The following KCTD16 variants were observed in gnomAD, a reference collection of about 807,000 sequenced individuals.
The protein encoded by KCTD16 is potassium channel tetramerization domain containing 16.
Under a neutral mutation model 33.2 loss-of-function variants are expected in KCTD16, and 13 were observed. The ratio of observed to expected loss-of-function variants is 0.39; its 90% confidence interval spans 0.25 to 0.62. The LOEUF (loss-of-function observed/expected upper bound fraction) is 0.62. KCTD16 is among the 20% of genes least tolerant of loss of function. The probability of loss-of-function intolerance (pLI) is 0.50; values close to 1 mark genes in which losing one functional copy is unlikely to be tolerated. For synonymous variants in KCTD16, 197 were observed against 195.3 expected (o/e 1.01, Z -0.07); for missense variants, 441 against 525.1 (o/e 0.84, Z 1.57).
At chr5:144,312,942 T>A (rs1751804344) in intron 3 of KCTD16, among the ~76,000 whole-genome samples, 1 of 152,252 alleles carries the variant, frequency 6.6e-6, no homozygotes, top group Non-Finnish European at 1.5e-5. Context: ...AAGGAAAGTT[T>A]TTAATAACTA....
intron 3 of KCTD16, among the ~76,000 whole-genome samples, chr5:144,305,286 T>G (rs921346017): frequency 5.3e-5 from 8 of 152,170 alleles, no homozygotes; most frequent in Admixed American, 2.6e-4. Context: ...CAGCAAAGGT[T>G]GTGTTATAAG....
At chr5:144,231,703 T>C (rs147078291) in intron 3 of KCTD16, among the ~76,000 whole-genome samples, 1 of 152,132 alleles carries the variant, frequency 6.6e-6, no homozygotes, top group Non-Finnish European at 1.5e-5. Context: ...TTTCACGAGA[T>C]CTGATGGTTT....
chr5:144,256,442 C>T (rs889205265), intron 3 of KCTD16, among the ~76,000 whole-genome samples: 3 of 151,958 alleles, frequency 2.0e-5, no homozygotes, highest in South Asian at 2.1e-4. Context: ...GTCAAAACAC[C>T]GGTTTAGTGT....
chr5:144,421,610 C>T (rs1389185383), intron 3 of KCTD16, among the ~76,000 whole-genome samples: 6 of 152,060 alleles, frequency 3.9e-5, no homozygotes, highest in Admixed American at 2.0e-4. Flanking sequence ...CCTTAGGTGA[C>T]AGAGTGTAGC....
At chr5:144,208,852 G>A (rs1286660067) in intron 3 of KCTD16, among the ~76,000 whole-genome samples, 5 of 151,902 alleles carry the variant, frequency 3.3e-5, no homozygotes, top group East Asian at 1.9e-4. Flanking sequence ...ATTGATGTGC[G>A]ATAACAAACA....
intron 3 of KCTD16, among the ~76,000 whole-genome samples, chr5:144,288,172 A>G (rs1755800233): frequency 1.3e-5 from 2 of 152,184 alleles, no homozygotes; most frequent in Admixed American, 1.3e-4. Context: ...CTTGGATCAG[A>G]CCTTTACAAA....
intron 2 of KCTD16, among the ~76,000 whole-genome samples, chr5:144,193,147 A>G (rs1215784572): frequency 6.6e-6 from 1 of 152,174 alleles, no homozygotes; most frequent in Non-Finnish European, 1.5e-5. Context: ...ATCTCCCTAC[A>G]ACTAATTTTG....
At chr5:144,234,048 T>G (rs965892051) in intron 3 of KCTD16, among the ~76,000 whole-genome samples, 1 of 152,196 alleles carries the variant, frequency 6.6e-6, no homozygotes, top group Admixed American at 6.6e-5. Flanking sequence ...TGATCCATTG[T>G]GAAGAATATA....
At chr5:144,389,308 A>T (rs1409456593) in intron 3 of KCTD16, among the ~76,000 whole-genome samples, 1 of 152,138 alleles carries the variant, frequency 6.6e-6, no homozygotes, top group East Asian at 1.9e-4. Flanking sequence ...GTGAAGTTTC[A>T]TCTGTGTTTA....
At chr5:144,409,404 C>T (rs184168944) in intron 3 of KCTD16, among the ~76,000 whole-genome samples, 1 of 152,038 alleles carries the variant, frequency 6.6e-6, no homozygotes, top group African/African-American at 2.4e-5. Flanking sequence ...ACTGACTGAA[C>T]CTTTGACATA....
chr5:144,313,999 T>A (rs1751840396), intron 3 of KCTD16, among the ~76,000 whole-genome samples: 1 of 152,198 alleles, frequency 6.6e-6, no homozygotes, highest in African/African-American at 2.4e-5. Context: ...AGAGGTCATT[T>A]AATTTAAGAC....
At chr5:144,274,061 C>G (rs1384838074) in intron 3 of KCTD16, among the ~76,000 whole-genome samples, 1 of 149,932 alleles carries the variant, frequency 6.7e-6, no homozygotes, top group African/African-American at 2.5e-5. Flanking sequence ...GAAAAAAAAT[C>G]CACTTGGGCA....
intron 3 of KCTD16, among the ~76,000 whole-genome samples, chr5:144,368,627 A>G (rs976023306): frequency 6.6e-6 from 1 of 152,192 alleles, no homozygotes; most frequent in East Asian, 1.9e-4. Context: ...ACCTTCTGAG[A>G]CTCAGAGTAG....
chr5:144,399,383 T>A (rs2126944883), intron 3 of KCTD16, among the ~76,000 whole-genome samples: 1 of 152,200 alleles, frequency 6.6e-6, no homozygotes. Flanking sequence ...AACATTAATT[T>A]AAAAAAATAG....
At chr5:144,173,892 T>A (rs1368788444) in intron 1 of KCTD16, among the ~76,000 whole-genome samples, 1 of 143,884 alleles carries the variant, frequency 7.0e-6, no homozygotes, top group East Asian at 2.0e-4. Context: ...CGTAGGAATT[T>A]CTTTTTGGAT....
intron 3 of KCTD16, among the ~76,000 whole-genome samples, chr5:144,264,605 A>C (rs1388930174): frequency 5.9e-5 from 9 of 152,086 alleles, no homozygotes; most frequent in Non-Finnish European, 1.2e-4. Context: ...TCTAAAAAAA[A>C]CATAGAAAAT....
At chr5:144,175,546 A>G (rs1413401069) in intron 2 of KCTD16, among the ~76,000 whole-genome samples, 1 of 152,340 alleles carries the variant, frequency 6.6e-6, no homozygotes, top group East Asian at 1.9e-4. Context: ...TGGGCAAATA[A>G]TATTTAAACC....
intron 3 of KCTD16, among the ~76,000 whole-genome samples, chr5:144,350,014 T>C (rs962482942): frequency 1.3e-5 from 2 of 152,194 alleles, no homozygotes; most frequent in Non-Finnish European, 2.9e-5. Flanking sequence ...CTGCACATTT[T>C]ATTAGGAAGG....
At chr5:144,455,545 C>T (rs1754042674) in intron 3 of KCTD16, among the ~76,000 whole-genome samples, 1 of 152,184 alleles carries the variant, frequency 6.6e-6, no homozygotes, top group African/African-American at 2.4e-5. Flanking sequence ...GACACAACTA[C>T]TGTGTTCAGT....
Sources: gnomAD v4.1 joint callset for allele counts (sites outside exome capture counted in the v4.1 genomes callset) on GRCh38, gnomAD v4.1.1 for gene constraint, MANE v1.5 for transcripts, NCBI Gene and HGNC (gene_info 2026-07-23, HGNC 2026-07-21) for gene names.